The following PPARGC1B variants were observed in gnomAD, a reference collection of about 807,000 sequenced individuals.
The protein encoded by PPARGC1B is peroxisome proliferator-activated receptor gamma coactivator 1-beta.
In PPARGC1B, 34 loss-of-function variants were observed where a neutral mutation model predicts 101.6. That is an observed-to-expected ratio of 0.33 (90% confidence interval 0.25 to 0.45). The LOEUF (loss-of-function observed/expected upper bound fraction) is 0.45. PPARGC1B is among the 20% of genes least tolerant of loss of function. PPARGC1B has a pLI of 1.00. For synonymous variants in PPARGC1B, 548 were observed against 539.3 expected (o/e 1.02, Z -0.22); for missense variants, 1,234 against 1,317.6 (o/e 0.94, Z 0.98).
chr5:149,828,687 A>C (rs946437590), intron 3 of PPARGC1B, among the ~76,000 whole-genome samples: 1 of 152,208 alleles, frequency 6.6e-6, no homozygotes, highest in Non-Finnish European at 1.5e-5. Context: ...TGTTTCAGCC[A>C]TTGTGCAAGG....
downstream of PPARGC1B, among the ~76,000 whole-genome samples, chr5:149,855,230 T>C (rs1452449752): frequency 1.3e-5 from 2 of 152,178 alleles, no homozygotes; most frequent in African/African-American, 4.8e-5. Flanking sequence ...GCACAGGGGC[T>C]GAGGTGGGGG....
intron 2 of PPARGC1B, among the ~76,000 whole-genome samples, chr5:149,825,471 C>T (rs1452672459): frequency 3.3e-5 from 5 of 152,334 alleles, no homozygotes; most frequent in South Asian, 2.1e-4. Context: ...CTGGGTCTCC[C>T]CTCCTTAACG....
rs1757273998 is a variant in PPARGC1B, at chr5:149,797,623, C to T, written c.79-22810C>T. Among the ~76,000 whole-genome samples the T allele has an allele frequency of 2.6e-5, 4 of 152,132 alleles. No individual in the cohort carries two copies. The South Asian group carries it at 8.3e-4, about 31-fold the overall frequency. ...TTATAATTCTACATTTCATTTGGTG[C>T]ATTTAAAAATGTTTCGGCTGGGCGC... On this transcript the variant is annotated intron_variant, in intron 1 of 11. Coordinates refer to ENST00000309241, the MANE Select transcript of PPARGC1B (RefSeq NM_133263.4).
chr5:149,750,634 G>A (rs1330984600), intron 1 of PPARGC1B, among the ~76,000 whole-genome samples: 1 of 151,964 alleles, frequency 6.6e-6, no homozygotes, highest in African/African-American at 2.4e-5. Context: ...TTACAGAGCC[G>A]CTGCTGGCTC....
In PPARGC1B at chr5:149,833,498, C is replaced by T. The variant is rs145538606; in HGVS notation, c.1425C>T (p.Pro475=). 53 of 1,564,936 alleles carry T rather than the reference C, an allele frequency of 3.4e-5. No homozygotes were observed. The African/African-American group carries it at 5.2e-4, about 15-fold the overall frequency. The change falls in exon 5 of 12, where the codon CCC becomes CCT. Residue 475 remains proline, a synonymous_variant. Coordinates refer to ENST00000309241, the MANE Select transcript of PPARGC1B (RefSeq NM_133263.4). The surrounding 1 kb of genome is among the most constrained non-coding windows in gnomAD (Gnocchi z 4.1). The stretch of plus-strand genomic sequence containing the variant: ...GGAAGCTGGAGAGCTCTGTGTGCCC[C>T]GTGCGGCGTTCTCGGAGACTGAACC... ...LGRKLESSVC[P]VRRSRRLNPE...
chr5:149,798,598 G>A (rs1004421014), intron 1 of PPARGC1B, among the ~76,000 whole-genome samples: 2 of 152,220 alleles, frequency 1.3e-5, no homozygotes, highest in South Asian at 4.1e-4. Flanking sequence ...GAGGCCTAGG[G>A]CCATGGGGTG....
At chr5:149,751,411 G>T (rs528913543) in intron 1 of PPARGC1B, among the ~76,000 whole-genome samples, 27 of 152,222 alleles carry the variant, frequency 1.8e-4, no homozygotes, top group African/African-American at 6.5e-4. Context: ...AGAAAGTAAA[G>T]AAAACTAATC....
chr5:149,732,846 T>C, intron 1 of PPARGC1B: 1 of 479,138 alleles, frequency 2.1e-6, no homozygotes, highest in Non-Finnish European at 4.3e-6. Context: ...CTCCAGGTCC[T>C]GTGTGTTACC....
Position 149,833,543 on chromosome 5 carries a change from G to T in PPARGC1B, c.1470G>T (p.Leu490=). The T allele has an allele frequency of 6.3e-7, 1 of 1,579,178 alleles. No individual in the cohort carries two copies. ...RRLNPELGPW[L]TFADEPLVPS... ...TGAACCCTGAGCTGGGCCCCTGGCT[G>T]ACATTTGCAGATGAGCCGCTGGTCC... Residue 490 remains leucine, a synonymous_variant, in exon 5 of 12, where the codon CTG becomes CTT. Coordinates refer to ENST00000309241, the MANE Select transcript of PPARGC1B (RefSeq NM_133263.4). This position sits in a 1 kb window ranked among gnomAD's most constrained non-coding sequence, Gnocchi z 4.1.
At chr5:149,747,909 G>C (rs574811639) in intron 1 of PPARGC1B, among the ~76,000 whole-genome samples, 1 of 152,276 alleles carries the variant, frequency 6.6e-6, no homozygotes, top group Non-Finnish European at 1.5e-5. Context: ...TGAGAGGCTA[G>C]AGCAGGCCCA....
intron 1 of PPARGC1B, chr5:149,772,227 G>T: frequency 6.3e-7 from 1 of 1,578,424 alleles, no homozygotes; most frequent in Non-Finnish European, 8.6e-7. Flanking sequence ...GTGACATGCT[G>T]CCGGGAGGGT....
chr5:149,793,718 T>C (rs899096462), intron 1 of PPARGC1B, among the ~76,000 whole-genome samples: 1 of 152,082 alleles, frequency 6.6e-6, no homozygotes, highest in Non-Finnish European at 1.5e-5. Context: ...CAGAGGGGAA[T>C]GGAACTTCTT....
intron 1 of PPARGC1B, among the ~76,000 whole-genome samples, chr5:149,773,176 C>T (rs892032444): frequency 2.0e-5 from 3 of 152,220 alleles, no homozygotes; most frequent in Non-Finnish European, 4.4e-5. Context: ...GGGGCAACCC[C>T]ACAGGCTGCA....
intron 8 of PPARGC1B, 43 bp from the exon 9 acceptor site, chr5:149,839,998 T>A: frequency 6.3e-7 from 1 of 1,595,200 alleles, no homozygotes; most frequent in Non-Finnish European, 8.6e-7. Context: ...CCCCATGGTA[T>A]CTCCCGAGAG....
At chr5:149,815,772 C>G (rs991448218) in intron 1 of PPARGC1B, among the ~76,000 whole-genome samples, 2 of 152,164 alleles carry the variant, frequency 1.3e-5, no homozygotes, top group African/African-American at 4.8e-5. Flanking sequence ...GTCTCAAACT[C>G]CTGACTTCAA....
At chr5:149,766,417 T>C (rs1342881269) in intron 1 of PPARGC1B, among the ~76,000 whole-genome samples, 1 of 152,214 alleles carries the variant, frequency 6.6e-6, no homozygotes, top group African/African-American at 2.4e-5. Flanking sequence ...ATCTATCCTT[T>C]GTAGTCCATC....
Position 149,730,314 on chromosome 5 carries a change from C to G in PPARGC1B, c.-29C>G. 6.6e-7 allele frequency: 1 copy of G among 1,525,284 alleles called. No individual in the cohort carries two copies. The highest frequency in any genetic ancestry group is 1.2e-5 in the South Asian group (1 of 80,752). 94.5% of individuals were successfully genotyped at this position (1,525,284 alleles called of 1,614,324 possible). ...CCCCCGGGCCGGCTCGGCGTTGACT[C>G]CGCCGCACGCTGCAGCCGCGGCTGG... On this transcript the variant is annotated 5_prime_UTR_variant, in exon 1 of 12. Coordinates refer to ENST00000309241, the MANE Select transcript of PPARGC1B (RefSeq NM_133263.4). This position sits in a 1 kb window ranked among gnomAD's most constrained non-coding sequence, Gnocchi z 4.0.
intron 1 of PPARGC1B, among the ~76,000 whole-genome samples, chr5:149,757,604 A>G (rs1755579372): frequency 6.6e-6 from 1 of 152,218 alleles, no homozygotes; most frequent in Non-Finnish European, 1.5e-5. Flanking sequence ...TCTCCAGCTA[A>G]TAGTGTCAGC....
chr5:149,824,494 AG>A (rs1758427643), intron 2 of PPARGC1B, among the ~76,000 whole-genome samples: 1 of 152,198 alleles, frequency 6.6e-6, no homozygotes, highest in African/African-American at 2.4e-5. Context: ...CTGGGAGCCC[AG>A]GGAGGAAGGC....
Sources: gnomAD v4.1 joint callset for allele counts (sites outside exome capture counted in the v4.1 genomes callset) on GRCh38, gnomAD v4.1.1 for gene constraint, Gnocchi (gnomAD v3.1) non-coding constraint, MANE v1.5 for transcripts, NCBI Gene and HGNC (gene_info 2026-07-23, HGNC 2026-07-21) for gene names.